ZFHX3: variants seen among roughly 807,000 people sequenced by gnomAD.
The protein encoded by ZFHX3 is zinc finger homeobox protein 3.
A neutral mutation model predicts 279.1 loss-of-function variants in ZFHX3; 42 were observed. That is an observed-to-expected ratio of 0.15 (90% CI 0.12 to 0.19). ZFHX3 has a LOEUF of 0.19. Ranked by LOEUF, ZFHX3 falls within the 10% of genes least tolerant of loss-of-function variation. The pLI is 1.00. For missense variants in ZFHX3, 4,981 were observed against 4,754.0 expected (o/e 1.05, Z -1.40); for synonymous variants, 2,293 against 1,957.8 (o/e 1.17, Z -4.52).
chr16:73,276,350 T>A (rs1200202984), intron 4 of ZFHX3, among the ~76,000 whole-genome samples: 3 of 151,792 alleles, frequency 2.0e-5, no homozygotes, highest in Non-Finnish European at 2.9e-5. Context: ...GACTGGCTAA[T>A]TTTTGGTATT....
chr16:73,500,691 CAAA>C (rs35032435), intron 2 of ZFHX3, among the ~76,000 whole-genome samples: 24,903 of 97,002 alleles, frequency 0.26, 2,318 homozygotes, highest in East Asian at 0.51. Context: ...TTTTAAAATA[CAAA>C]AAAAAAAAAA....
Position 73,400,446 on chromosome 16 carries a change from G to A in ZFHX3, c.-1291+55557C>T, listed in dbSNP as rs557278800. 17 of 152,314 alleles carry A rather than the reference G, an allele frequency of 1.1e-4. No individual in the cohort carries two copies. The East Asian group carries it at 3.3e-3, about 29-fold the overall frequency. 9.4% of individuals were successfully genotyped at this position (152,314 alleles called of 1,614,324 possible). A position where few individuals can be genotyped will look rare whatever the true frequency, so the allele number is the denominator to read the frequency against. On this transcript the variant is annotated intron_variant, in intron 3 of 17. Coordinates refer to the ZFHX3 transcript ENST00000641206. ...AGAGCTGAACCATTCCCTCAGGCAAGTAGATCTGTGGCAAACAAAGAGTCC... is the reference window on the plus strand; with the variant it reads ...AGAGCTGAACCATTCCCTCAGGCAAATAGATCTGTGGCAAACAAAGAGTCC...
chr16:73,889,112 G>T (rs1266074315), intron 1 of ZFHX3, among the ~76,000 whole-genome samples: 1 of 152,134 alleles, frequency 6.6e-6, no homozygotes, highest in Admixed American at 6.5e-5. Context: ...CAGATCAATA[G>T]TAACAATCCT....
chr16:73,424,832 C>T (rs1597330524), intron 3 of ZFHX3, among the ~76,000 whole-genome samples: 1 of 150,934 alleles, frequency 6.6e-6, no homozygotes, highest in South Asian at 2.1e-4. Context: ...AAAGTAATCA[C>T]CATCTTTCAC....
intron 2 of ZFHX3, among the ~76,000 whole-genome samples, chr16:73,515,492 A>G (rs1222072997): frequency 6.6e-6 from 1 of 151,392 alleles, no homozygotes; most frequent in East Asian, 1.9e-4. Context: ...GAAGAAACAG[A>G]GAGGAGAGAG....
chr16:73,549,558 T>C (rs1177182140), intron 2 of ZFHX3, among the ~76,000 whole-genome samples: 1 of 152,218 alleles, frequency 6.6e-6, no homozygotes, highest in African/African-American at 2.4e-5. Flanking sequence ...TCTTTAAAAC[T>C]ATTTCAAGCC....
intron 1 of ZFHX3, among the ~76,000 whole-genome samples, chr16:73,753,011 G>C (rs2053775059): frequency 6.6e-6 from 1 of 152,126 alleles, no homozygotes; most frequent in Admixed American, 6.5e-5. Flanking sequence ...ACTTTCATGG[G>C]TCATTTGTGG....
At chr16:73,459,587 C>G (rs1334262337) in intron 2 of ZFHX3, among the ~76,000 whole-genome samples, 1 of 152,132 alleles carries the variant, frequency 6.6e-6, no homozygotes, top group Admixed American at 6.5e-5. Flanking sequence ...AGGCTGGTCT[C>G]GAACTCCTGG....
At chr16:73,845,237 ATTT>A (rs1961419303) in intron 1 of ZFHX3, among the ~76,000 whole-genome samples, 1 of 152,182 alleles carries the variant, frequency 6.6e-6, no homozygotes, top group Non-Finnish European at 1.5e-5. Flanking sequence ...TTCAGAGGCG[ATTT>A]GAGAGTGTGA....
intron 3 of ZFHX3, among the ~76,000 whole-genome samples, chr16:73,428,352 G>T (rs1446846962): frequency 6.6e-6 from 1 of 152,156 alleles, no homozygotes; most frequent in Non-Finnish European, 1.5e-5. Context: ...ATTAAGAAGA[G>T]TGAGCTTCCC....
At chr16:73,680,829 T>C (rs930503039) in intron 1 of ZFHX3, among the ~76,000 whole-genome samples, 1 of 152,212 alleles carries the variant, frequency 6.6e-6, no homozygotes, top group Non-Finnish European at 1.5e-5. Context: ...TACCTTTGCT[T>C]CATCTGTGCG....
chr16:73,791,418 T>C (rs1959820897), intron 1 of ZFHX3, among the ~76,000 whole-genome samples: 1 of 152,060 alleles, frequency 6.6e-6, no homozygotes, highest in African/African-American at 2.4e-5. Flanking sequence ...ACTTATTTAT[T>C]TATTTTTCAT....
intron 8 of ZFHX3, among the ~76,000 whole-genome samples, chr16:73,083,677 G>A (rs762789431): frequency 3.2e-4 from 48 of 152,090 alleles, no homozygotes; most frequent in Non-Finnish European, 6.0e-4. Context: ...CTACAGGTGC[G>A]CACCATCACA....
intron 1 of ZFHX3, among the ~76,000 whole-genome samples, chr16:73,789,149 G>C (rs1231483719): frequency 6.6e-6 from 1 of 151,298 alleles, no homozygotes; most frequent in African/African-American, 2.4e-5. Context: ...CTATCATATA[G>C]GTATTTTATA....
chr16:73,654,729 A>G (rs1332224274), intron 2 of ZFHX3, among the ~76,000 whole-genome samples: 2 of 152,116 alleles, frequency 1.3e-5, no homozygotes, highest in Non-Finnish European at 2.9e-5. Context: ...TTTCAATAAG[A>G]GGCAAAAAAT....
intron 3 of ZFHX3, among the ~76,000 whole-genome samples, chr16:73,346,091 G>A (rs73589317): frequency 2.0e-5 from 3 of 152,158 alleles, no homozygotes; most frequent in Admixed American, 6.5e-5. Context: ...CAGCGACCCT[G>A]CACCTTTTGA....
chr16:73,680,657 A>G (rs1278684669), intron 1 of ZFHX3, among the ~76,000 whole-genome samples: 1 of 152,248 alleles, frequency 6.6e-6, no homozygotes, highest in Non-Finnish European at 1.5e-5. Flanking sequence ...AGAAAGTGAC[A>G]GGAAATTTCT....
chr16:72,914,540 C>T (rs59660358), intron 3 of ZFHX3, among the ~76,000 whole-genome samples: 1 of 152,054 alleles, frequency 6.6e-6, no homozygotes, highest in Admixed American at 6.5e-5. Context: ...ACAACACCCC[C>T]GATCTACAAC....
At chr16:73,640,798 T>A (rs185036246) in intron 2 of ZFHX3, among the ~76,000 whole-genome samples, 2 of 151,710 alleles carry the variant, frequency 1.3e-5, no homozygotes, top group Admixed American at 6.6e-5. Context: ...TTCAGAAAAA[T>A]TTCCCAGAAC....
Sources: allele counts gnomAD v4.1 joint callset (sites outside exome capture counted in the v4.1 genomes callset), GRCh38; gene constraint gnomAD v4.1.1; transcripts MANE v1.5; gene names NCBI Gene and HGNC (gene_info 2026-07-23, HGNC 2026-07-21).